The following SMAP1 variants were observed in gnomAD, a reference collection of about 807,000 sequenced individuals.
The protein encoded by SMAP1 is stromal membrane-associated protein 1.
In SMAP1, 24 loss-of-function variants were observed where a neutral mutation model predicts 58.5. The observed-to-expected ratio is 0.41, with a 90% CI of 0.30 to 0.58. SMAP1 has a LOEUF of 0.58. Among genes scored for constraint, SMAP1 ranks in the 20% least tolerant of loss-of-function variants. The probability of loss-of-function intolerance (pLI) is 0.29; values close to 1 mark genes in which losing one functional copy is unlikely to be tolerated. For missense variants in SMAP1, 563 were observed against 566.3 expected (o/e 0.99, Z 0.06); for synonymous variants, 216 against 196.6 (o/e 1.10, Z -0.82).
intron 4 of SMAP1, among the ~76,000 whole-genome samples, chr6:70,790,509 C>CT (rs562004125): frequency 1.7e-4 from 25 of 151,266 alleles, no homozygotes; most frequent in Non-Finnish European, 3.4e-4. Flanking sequence ...TCGACTTTGC[C>CT]TTTTTTTTAT....
intron 7 of SMAP1, among the ~76,000 whole-genome samples, chr6:70,842,353 C>A (rs946853899): frequency 6.6e-6 from 1 of 152,136 alleles, no homozygotes; most frequent in South Asian, 2.1e-4. Flanking sequence ...AAAGAAAATG[C>A]AGTTACATGA....
At chr6:70,770,078 C>A (rs535888747) in intron 3 of SMAP1, among the ~76,000 whole-genome samples, 1 of 151,608 alleles carries the variant, frequency 6.6e-6, no homozygotes, top group South Asian at 2.1e-4. Flanking sequence ...ATATTGGCCC[C>A]CACTCTCTTC....
At chr6:70,669,291 G>GTT (rs1243045526) in intron 1 of SMAP1, among the ~76,000 whole-genome samples, 1 of 152,112 alleles carries the variant, frequency 6.6e-6, no homozygotes, top group Non-Finnish European at 1.5e-5. Flanking sequence ...AAGCTTTACT[G>GTT]TTCTATCTCA....
In SMAP1 at chr6:70,668,019, C is replaced by T. The variant is rs759969777; in HGVS notation, c.-5C>T. The stretch of plus-strand genomic sequence containing the variant: ...CTGCCCCAGGCTCCCCGCCCCGCTG[C>T]CGAGATGGCGACGCGCTCCTGTCGG... On this transcript the variant is annotated 5_prime_UTR_variant, in exon 1 of 11. Transcript: ENST00000370455. 6.3e-7 allele frequency: 1 copy of T among 1,588,672 alleles called. No individual in the cohort carries two copies. Among genetic ancestry groups the T allele is most frequent in the South Asian group, 1.1e-5 (1 of 88,462 alleles).
chr6:70,785,716 TTCCTCGACACATAC>T (rs1437278290), intron 4 of SMAP1, among the ~76,000 whole-genome samples: 6 of 152,180 alleles, frequency 3.9e-5, no homozygotes, highest in African/African-American at 1.4e-4. Context: ...AATGGATAAA[TTCCTCGACACATAC>T]ACCCTCCCAA....
At chr6:70,846,754 A>G (rs1771004529) in intron 7 of SMAP1, among the ~76,000 whole-genome samples, 2 of 152,186 alleles carry the variant, frequency 1.3e-5, no homozygotes, top group Admixed American at 1.3e-4. Context: ...GAGGTAGGTC[A>G]ATGGTCATGT....
chr6:70,742,147 C>T (rs1389833455), intron 2 of SMAP1, among the ~76,000 whole-genome samples: 2 of 152,226 alleles, frequency 1.3e-5, no homozygotes, highest in Admixed American at 1.3e-4. Flanking sequence ...CATTTGACTC[C>T]TCATTACTTA....
intron 6 of SMAP1, among the ~76,000 whole-genome samples, chr6:70,810,579 G>GT (rs1769343324): frequency 2.0e-5 from 3 of 151,742 alleles, no homozygotes; most frequent in Non-Finnish European, 2.9e-5. Context: ...ACTTTTCTTT[G>GT]TTTTTTTCTT....
chr6:70,838,861 T>C (rs532805852), intron 7 of SMAP1, among the ~76,000 whole-genome samples: 16 of 152,316 alleles, frequency 1.1e-4, no homozygotes, highest in African/African-American at 3.6e-4. Flanking sequence ...GAAGAATTAT[T>C]GTGGCGGTTG....
At chr6:70,859,315 G>T (rs1480774725) in intron 10 of SMAP1, 1 of 1,540,710 alleles carries the variant, frequency 6.5e-7, no homozygotes, top group Non-Finnish European at 8.8e-7. Context: ...GTTAATACTG[G>T]CTCTTACTTC....
At chr6:70,703,000 G>A (rs376499768) in intron 1 of SMAP1, among the ~76,000 whole-genome samples, 15 of 152,104 alleles carry the variant, frequency 9.9e-5, no homozygotes, top group Admixed American at 2.0e-4. Context: ...TGTGCCTTGC[G>A]TGCTAATTCA....
At chr6:70,851,021 T>G (rs1170000654) in intron 7 of SMAP1, among the ~76,000 whole-genome samples, 1 of 152,176 alleles carries the variant, frequency 6.6e-6, no homozygotes, top group Non-Finnish European at 1.5e-5. Context: ...ATAATCTATG[T>G]ACATTGTTTT....
chr6:70,686,863 A>T (rs1472469672), intron 1 of SMAP1, among the ~76,000 whole-genome samples: 1 of 152,216 alleles, frequency 6.6e-6, no homozygotes, highest in Non-Finnish European at 1.5e-5. Flanking sequence ...TATCATTTGA[A>T]AGGAACATTC....
rs1338636877 is a variant in SMAP1 at position 70,668,520 on chromosome 6, G to C, written c.118+379G>C. On this transcript the variant is annotated intron_variant, in intron 1 of 10. Transcript: ENST00000370455. ...GTTAGAGAGTTGCCCTCCTAGCTCT[G>C]CTCATAGCTATCTCTGTGGGTGGGG... is the stretch of plus-strand genomic sequence containing the variant. 3.0e-5 allele frequency: 45 copies of C among 1,513,020 alleles called. 1 individual carries two copies. In the East Asian group the frequency reaches 1.0e-3, roughly 34 times the overall value. 93.7% of individuals were successfully genotyped at this position (1,513,020 alleles called of 1,614,324 possible).
At chr6:70,838,363 A>G (rs1238271320) in intron 7 of SMAP1, among the ~76,000 whole-genome samples, 1 of 152,206 alleles carries the variant, frequency 6.6e-6, no homozygotes, top group African/African-American at 2.4e-5. Context: ...AGGGAGATAG[A>G]TCTGAAAGAG....
intron 7 of SMAP1, among the ~76,000 whole-genome samples, chr6:70,848,647 C>G (rs1771076070): frequency 6.6e-6 from 1 of 152,158 alleles, no homozygotes; most frequent in Non-Finnish European, 1.5e-5. Flanking sequence ...CCCTTCTCAT[C>G]TTGCATCGGG....
intron 4 of SMAP1, among the ~76,000 whole-genome samples, chr6:70,786,668 A>G (rs997636280): frequency 6.6e-6 from 1 of 152,196 alleles, no homozygotes; most frequent in Non-Finnish European, 1.5e-5. Flanking sequence ...TAACAGACAA[A>G]CAGAGAGCCA....
chr6:70,838,612 G>T (rs1011383990), intron 7 of SMAP1, among the ~76,000 whole-genome samples: 1 of 152,114 alleles, frequency 6.6e-6, no homozygotes, highest in African/African-American at 2.4e-5. Context: ...ATTCTGAGAA[G>T]AACACAGCAG....
At position 70,857,971 on chromosome 6, in the gene SMAP1, T is replaced by C; in HGVS notation, c.1011T>C (p.Ala337=). ...TNIPFTSQAP[A]AFQGFPSMGV... The stretch of plus-strand genomic sequence containing the variant: ...TACCATTTACCTCACAAGCACCAGC[T>C]GCATTTCAGGGCTTTCCATCGATGG... The change falls in exon 10 of 11, where the codon GCT becomes GCC. Residue 337 remains alanine, a synonymous_variant. Coordinates refer to ENST00000370455, the MANE Select transcript of SMAP1 (RefSeq NM_001044305.3). 9 of 1,614,164 alleles carry C rather than the reference T, an allele frequency of 5.6e-6. No individual in the cohort carries two copies. The highest frequency in any genetic ancestry group is 6.8e-6 in the Non-Finnish European group (8 of 1,180,006).
Sources: gnomAD v4.1 joint callset for allele counts (sites outside exome capture counted in the v4.1 genomes callset) on GRCh38, gnomAD v4.1.1 for gene constraint, MANE v1.5 for transcripts, NCBI Gene and HGNC (gene_info 2026-07-23, HGNC 2026-07-21) for gene names.